The following PRIM2 variants were observed in gnomAD, a reference collection of about 807,000 sequenced individuals.
PRIM2 encodes the protein DNA primase subunit 2, also known as DNA primase large subunit.
In PRIM2, 39 loss-of-function variants were observed where a neutral mutation model predicts 67.3. The ratio of observed to expected loss-of-function variants is 0.58; its 90% CI spans 0.45 to 0.76. PRIM2 has a LOEUF of 0.76. PRIM2 is among the 30% of genes least tolerant of loss of function. The probability of loss-of-function intolerance (pLI) is 0.00; values close to 1 mark genes in which losing one functional copy is unlikely to be tolerated. For missense variants in PRIM2, 398 were observed against 598.7 expected (o/e 0.66, Z 3.50); for synonymous variants, 143 against 198.7 (o/e 0.72, Z 2.36).
At chr6:57,242,524 C>T in the PRIM2 span, among the ~76,000 whole-genome samples, 48,519 of 152,026 alleles carry the variant, frequency 0.32, 8,150 homozygotes, top group East Asian at 0.61. Context: ...ACTTAAATTG[C>T]GTCATGTTTT....
chr6:57,274,764 G>A, the PRIM2 span, among the ~76,000 whole-genome samples: 22 of 152,142 alleles, frequency 1.4e-4, 1 homozygote, highest in South Asian at 3.3e-3. Flanking sequence ...CTATTCAGCC[G>A]TCTTGGCTCC....
intron 7 of PRIM2, among the ~76,000 whole-genome samples, chr6:57,472,509 C>A (rs1258596292): frequency 6.6e-6 from 1 of 152,120 alleles, no homozygotes; most frequent in African/African-American, 2.4e-5. Flanking sequence ...TTGGTCCTTC[C>A]TGTGTAAGTG....
intron 5 of PRIM2, among the ~76,000 whole-genome samples, chr6:57,334,428 A>C (rs1255078411): frequency 6.6e-6 from 1 of 152,198 alleles, no homozygotes; most frequent in Non-Finnish European, 1.5e-5. Flanking sequence ...CATACCCAGT[A>C]ATAGATTTTG....
chr6:57,495,031 G>C (rs1554346243), intron 7 of PRIM2, among the ~76,000 whole-genome samples: 48,877 of 151,678 alleles, frequency 0.32, 7,786 homozygotes, highest in East Asian at 0.44. Flanking sequence ...ATATAATTAG[G>C]AAAGTTTTAT....
intron 10 of PRIM2, among the ~76,000 whole-genome samples, chr6:57,550,259 G>T (rs1325952642): frequency 6.6e-6 from 1 of 151,950 alleles, no homozygotes; most frequent in African/African-American, 2.4e-5. Context: ...TAAATATTTT[G>T]GTGTATAATA....
chr6:57,294,718 T>A, the PRIM2 span, among the ~76,000 whole-genome samples: 4 of 151,880 alleles, frequency 2.6e-5, no homozygotes, highest in Non-Finnish European at 5.9e-5. Context: ...CATTTATGTA[T>A]ATTGATTGAA....
chr6:57,521,170 T>A (rs1774611387), intron 8 of PRIM2, among the ~76,000 whole-genome samples: 1 of 152,102 alleles, frequency 6.6e-6, no homozygotes, highest in Non-Finnish European at 1.5e-5. Flanking sequence ...TACTAGGGAT[T>A]TAGCTGGAGA....
chr6:57,383,665 AGCTACAGC>A lies in PRIM2; in HGVS notation c.693+1498_693+1505del, dbSNP rs1770040273. ...TGTAACTGAATGTGATGCCTGGAAG[AGCTACAGC>A]CATCTAGAGATGAGGCAGGTAACTT... is the stretch of plus-strand genomic sequence containing the variant. On this transcript the variant is annotated intron_variant, in intron 7 of 13. Coordinates refer to ENST00000615550, the MANE Select transcript of PRIM2 (RefSeq NM_000947.5). 2.0e-5 allele frequency: 3 copies of A among 151,768 alleles called. No individual in the cohort carries two copies. The South Asian group carries it at 6.3e-4, about 32-fold the overall frequency. 9.4% of individuals were successfully genotyped at this position (151,768 alleles called of 1,614,324 possible). A position where few individuals can be genotyped will look rare whatever the true frequency, so the allele number is the denominator to read the frequency against.
Position 57,452,965 on chromosome 6 carries a change from C to A in PRIM2, c.694-54422C>A, listed in dbSNP as rs200855000. Among the ~76,000 whole-genome samples, 268 of 152,066 alleles carry A rather than the reference C, an allele frequency of 1.8e-3. 1 individual carries two copies. Among genetic ancestry groups the A allele is most frequent in the African/African-American group, 6.2e-3 (257 of 41,488 alleles). ...TCCATCTTGAATTAATTTTAGTATA[C>A]AGTGTAAGGAAGGGATCCAGTTTCA... On this transcript the variant is annotated intron_variant, in intron 7 of 13. Coordinates refer to ENST00000615550, the MANE Select transcript of PRIM2 (RefSeq NM_000947.5).
chr6:57,301,726 G>C, the PRIM2 span, among the ~76,000 whole-genome samples: 1 of 152,210 alleles, frequency 6.6e-6, no homozygotes, highest in Non-Finnish European at 1.5e-5. Context: ...TGGTGGCTGA[G>C]CGTGAGAATC....
chr6:57,245,108 T>C, the PRIM2 span, among the ~76,000 whole-genome samples: 3 of 152,232 alleles, frequency 2.0e-5, no homozygotes, highest in South Asian at 2.1e-4. Context: ...TTTCTGCTGC[T>C]GCATTTGCCC....
intron 10 of PRIM2, among the ~76,000 whole-genome samples, chr6:57,567,421 G>C (rs1271120421): frequency 6.6e-6 from 1 of 152,138 alleles, no homozygotes; most frequent in Non-Finnish European, 1.5e-5. Context: ...AAATGTAAGT[G>C]TTCTGAGCAT....
At position 57,386,443 on chromosome 6, in the gene PRIM2, CGAAA is replaced by C. The variant is rs763586207; in HGVS notation, c.693+4292_693+4295del. Among the ~76,000 whole-genome samples, 265 of 134,030 alleles carry C rather than the reference CGAAA, an allele frequency of 2.0e-3. 1 individual carries two copies. The highest frequency in any genetic ancestry group is 6.7e-3 in the African/African-American group (232 of 34,692). The allele number at this position is 134,030 out of a possible 152,430, so 87.9% of individuals were successfully genotyped here. On this transcript the variant is annotated intron_variant, in intron 7 of 13. Coordinates refer to ENST00000615550, the MANE Select transcript of PRIM2 (RefSeq NM_000947.5). ...AAAAAAAAAAAAAAAAAAAAAAGAA[CGAAA>C]GAAAGAAAGAAAGAAAAGGATTTGT...
upstream of PRIM2, among the ~76,000 whole-genome samples, chr6:57,310,207 T>G (rs1273107103): frequency 6.6e-6 from 1 of 152,230 alleles, no homozygotes; most frequent in African/African-American, 2.4e-5. Flanking sequence ...TCATCATCAC[T>G]GGTCATCAGA....
intron 7 of PRIM2, among the ~76,000 whole-genome samples, chr6:57,408,994 C>G (rs1430369549): frequency 1.3e-5 from 2 of 152,040 alleles, no homozygotes; most frequent in Admixed American, 6.6e-5. Flanking sequence ...TTCTTCTATT[C>G]TTTTATTTTT....
At chr6:57,488,364 G>A (rs1347794443) in intron 7 of PRIM2, among the ~76,000 whole-genome samples, 4 of 152,156 alleles carry the variant, frequency 2.6e-5, no homozygotes, top group East Asian at 1.9e-4. Context: ...CAGCCTGCCC[G>A]CCTCATCTTT....
the PRIM2 span, among the ~76,000 whole-genome samples, chr6:57,273,624 G>A: frequency 6.6e-6 from 1 of 152,160 alleles, no homozygotes; most frequent in African/African-American, 2.4e-5. Context: ...TCTTCTCTCA[G>A]CTCGTCAAAG....
intron 7 of PRIM2, among the ~76,000 whole-genome samples, chr6:57,500,988 A>T (rs1193784779): frequency 1.3e-5 from 2 of 152,220 alleles, no homozygotes; most frequent in African/African-American, 4.8e-5. Flanking sequence ...CAAGGAAAGG[A>T]TGAGAATATC....
chr6:57,514,237 CA>C (rs1774434086), intron 8 of PRIM2, among the ~76,000 whole-genome samples: 2 of 152,280 alleles, frequency 1.3e-5, no homozygotes, highest in East Asian at 1.9e-4. Flanking sequence ...AATTTTTTAT[CA>C]GACATGTAAT....
Sources: gnomAD v4.1 joint callset for allele counts (sites outside exome capture counted in the v4.1 genomes callset) on GRCh38, gnomAD v4.1.1 for gene constraint, MANE v1.5 for transcripts, NCBI Gene and HGNC (gene_info 2026-07-23, HGNC 2026-07-21) for gene names.